GNG7: variants seen among roughly 807,000 people sequenced by gnomAD.
The protein encoded by GNG7 is G protein subunit gamma 7.
In GNG7, 1 loss-of-function variant was observed where a neutral mutation model predicts 4.0. The observed-to-expected ratio is 0.25, with a 90% CI of 0.09 to 1.18. The LOEUF is 1.18. Ranked by LOEUF, GNG7 falls within the 50% of genes most tolerant of loss-of-function variation. The pLI, the probability that GNG7 is intolerant of heterozygous loss-of-function variation, is 0.50. For synonymous variants in GNG7, 34 were observed against 36.9 expected (o/e 0.92, Z 0.29); for missense variants, 86 against 91.9 (o/e 0.94, Z 0.26).
At chr19:2,613,987 G>A (rs899846558) in intron 2 of GNG7, among the ~76,000 whole-genome samples, 7 of 152,208 alleles carry the variant, frequency 4.6e-5, no homozygotes, top group African/African-American at 7.2e-5. Flanking sequence ...CGGCCACAGC[G>A]ACATCTAAAG....
At chr19:2,624,424 C>T (rs1378922062) in intron 2 of GNG7, among the ~76,000 whole-genome samples, 2 of 147,492 alleles carry the variant, frequency 1.4e-5, no homozygotes, top group East Asian at 2.0e-4. Context: ...CCAGCTACTC[C>T]GGAGGCTGAG....
At chr19:2,582,656 ATTTTTTTTTT>A (rs35625825) in intron 2 of GNG7, among the ~76,000 whole-genome samples, 10,379 of 86,158 alleles carry the variant, frequency 0.12, 671 homozygotes, top group African/African-American at 0.27. Flanking sequence ...CTAATTGTTA[ATTTTTTTTTT>A]TTTTTTTTTT....
At chr19:2,692,528 G>A (rs530351315) in intron 1 of GNG7, among the ~76,000 whole-genome samples, 24 of 151,800 alleles carry the variant, frequency 1.6e-4, no homozygotes, top group African/African-American at 5.8e-4. Flanking sequence ...CCAGCTACTC[G>A]GGAGGCTGAG....
intron 1 of GNG7, among the ~76,000 whole-genome samples, chr19:2,698,899 T>C (rs148302236): frequency 9.3e-4 from 142 of 152,288 alleles, no homozygotes; most frequent in African/African-American, 3.2e-3. Context: ...TTACGAAGCA[T>C]GAAACAAGAA....
intron 1 of GNG7, among the ~76,000 whole-genome samples, chr19:2,660,042 G>C (rs1283146832): frequency 6.6e-6 from 1 of 152,032 alleles, no homozygotes; most frequent in Admixed American, 6.6e-5. Context: ...TCCTCACCGA[G>C]GGGCCATGGC....
At chr19:2,582,799 GCT>G (rs1980541741) in intron 2 of GNG7, among the ~76,000 whole-genome samples, 1 of 151,828 alleles carries the variant, frequency 6.6e-6, no homozygotes, top group African/African-American at 2.4e-5. Context: ...TTCCCGAGTA[GCT>G]AGGACTGCAG....
rs1348510472 is a variant in GNG7 at position 2,546,238 on chromosome 19, C to T, written c.-38+8911G>A. 6.6e-6 allele frequency among the ~76,000 whole-genome samples: 1 copy of T among 152,246 alleles called. No homozygotes were observed. The highest frequency in any genetic ancestry group is 2.4e-5 in the African/African-American group (1 of 41,472). On this transcript the variant is annotated intron_variant, in intron 3 of 4. Transcript: ENST00000382159. The surrounding 1 kb of genome is among the most constrained non-coding windows in gnomAD (Gnocchi z 6.3). ...ACCTGCTGCCCGCTCCACAGAACCCCAGGGCCCCCTCAGCAACCAGGGTCT... is the reference window on the plus strand; with the variant it reads ...ACCTGCTGCCCGCTCCACAGAACCCTAGGGCCCCCTCAGCAACCAGGGTCT...
chr19:2,552,054 A>G (rs1979350366), intron 3 of GNG7, among the ~76,000 whole-genome samples: 1 of 152,192 alleles, frequency 6.6e-6, no homozygotes, highest in Non-Finnish European at 1.5e-5. Flanking sequence ...TCCCATCAGC[A>G]GTGGCATCAG....
Position 2,659,505 on chromosome 19 carries a change from G to A in GNG7, c.-134-13225C>T, listed in dbSNP as rs142200292. ...CTTGGGAAGCTGAGGCAGGAGAATC[G>A]CTTGGACCTGGGAGGCGGAGGTTGC... On this transcript the variant is annotated intron_variant, in intron 1 of 4. Transcript: ENST00000382159. Among the ~76,000 whole-genome samples, 237 of 148,618 alleles carry A rather than the reference G, an allele frequency of 1.6e-3. 2 individuals are homozygous for A. Among genetic ancestry groups the A allele is most frequent in the African/African-American group, 5.8e-3 (234 of 40,500 alleles).
intron 1 of GNG7, among the ~76,000 whole-genome samples, chr19:2,699,311 G>GCCA (rs1913344624): frequency 6.6e-6 from 1 of 152,094 alleles, no homozygotes; most frequent in Non-Finnish European, 1.5e-5. Context: ...ACCACGCCCA[G>GCCA]TTAGTTTTTG....
intron 1 of GNG7, among the ~76,000 whole-genome samples, chr19:2,674,763 G>A (rs964047587): frequency 5.3e-5 from 8 of 152,138 alleles, no homozygotes; most frequent in Non-Finnish European, 8.8e-5. Context: ...AAAACACAGA[G>A]GACACCTGCT....
chr19:2,585,103 GGAAGGAAGGAAAGAAGGTAGGAAT>G (rs143262461), intron 2 of GNG7, among the ~76,000 whole-genome samples: 35,900 of 122,342 alleles, frequency 0.29, 7,585 homozygotes, highest in African/African-American at 0.48. Context: ...AAAGAAGGAA[GGAAGGAAGGAAAGAAGGTAGGAAT>G]GAAGGAAGGA....
At chr19:2,569,230 G>A (rs1231592006) in intron 2 of GNG7, among the ~76,000 whole-genome samples, 1 of 152,126 alleles carries the variant, frequency 6.6e-6, no homozygotes, top group East Asian at 1.9e-4. Context: ...GCTGGAGCAG[G>A]AACAGCTACA....
chr19:2,600,468 ATT>A (rs35232310), intron 2 of GNG7, among the ~76,000 whole-genome samples: 15,528 of 120,328 alleles, frequency 0.13, 1,818 homozygotes, highest in East Asian at 0.32. Flanking sequence ...GTATCTTGGC[ATT>A]TTTTTTTTTT....
intron 1 of GNG7, among the ~76,000 whole-genome samples, chr19:2,648,947 G>A (rs1468878894): frequency 6.6e-6 from 1 of 151,228 alleles, no homozygotes; most frequent in Non-Finnish European, 1.5e-5. Context: ...GGAGTGCAAT[G>A]GTGTAATCAC....
intron 1 of GNG7, among the ~76,000 whole-genome samples, chr19:2,674,049 A>G (rs376869993): frequency 1.3e-5 from 2 of 152,158 alleles, no homozygotes; most frequent in East Asian, 1.9e-4. Flanking sequence ...GGATCACCCA[A>G]GGTCAGGAGT....
At position 2,695,044 on chromosome 19, in the gene GNG7, C is replaced by T. The variant is rs372505907; in HGVS notation, c.-135+7602G>A. On this transcript the variant is annotated intron_variant, in intron 1 of 4. Transcript: ENST00000382159. ...AGTTTTAATTAGCTGGGCATGGTGG[C>T]GTGCATCTGTAGTCCCAGCTACTCT... 9.2e-5 allele frequency among the ~76,000 whole-genome samples: 14 copies of T among 152,126 alleles called. No homozygotes were observed. The East Asian group carries it at 9.7e-4, about 10-fold the overall frequency.
At position 2,687,708 on chromosome 19, in the gene GNG7, G is replaced by A. The variant is rs187208515; in HGVS notation, c.-135+14938C>T. On this transcript the variant is annotated intron_variant, in intron 1 of 4. Coordinates refer to ENST00000382159, the MANE Select transcript of GNG7 (RefSeq NM_052847.3). Reference sequence around the variant, plus strand: ...TTAAATCATGATGCCGGGCGCGGTGGCTCACGCCTGTAATTCCAGCACTTT... The same window carrying A: ...TTAAATCATGATGCCGGGCGCGGTGACTCACGCCTGTAATTCCAGCACTTT... Among the ~76,000 whole-genome samples, 338 of 152,112 alleles carry A rather than the reference G, an allele frequency of 2.2e-3. 2 individuals carry two copies. The highest frequency in any genetic ancestry group is 7.8e-3 in the African/African-American group (324 of 41,484).
intron 1 of GNG7, among the ~76,000 whole-genome samples, chr19:2,691,791 C>T (rs1210780737): frequency 2.7e-5 from 4 of 148,574 alleles, no homozygotes; most frequent in Non-Finnish European, 4.5e-5. Context: ...TGCTTGAACC[C>T]GGGAGGCGGA....
Sources: allele counts gnomAD v4.1 joint callset (sites outside exome capture counted in the v4.1 genomes callset), GRCh38; gene constraint gnomAD v4.1.1; non-coding constraint Gnocchi (gnomAD v3.1); transcripts MANE v1.5; gene names NCBI Gene and HGNC (gene_info 2026-07-23, HGNC 2026-07-21).